Variants in HHAT observed in about 807,000 individuals in gnomAD.
HHAT encodes the protein protein-cysteine N-palmitoyltransferase HHAT.
Under a neutral mutation model 70.8 loss-of-function variants are expected in HHAT, and 47 were observed. The observed-to-expected ratio is 0.66, with a 90% CI of 0.53 to 0.85. The LOEUF is 0.85. HHAT is among the 40% of genes least tolerant of loss of function. The pLI, the probability that HHAT is intolerant of heterozygous loss-of-function variation, is 0.00. For synonymous variants in HHAT, 228 were observed against 247.6 expected, an observed-to-expected ratio of 0.92 and a Z score of 0.74; for missense variants, 609 against 604.8, an observed-to-expected ratio of 1.01 and a Z score of -0.07.
At chr1:210,359,595 C>A (rs528500398) in intron 2 of HHAT, among the ~76,000 whole-genome samples, 24 of 152,136 alleles carry the variant, frequency 1.6e-4, no homozygotes, top group African/African-American at 5.8e-4. Context: ...ACCAATCAGC[C>A]CTGGCCCTCT....
chr1:210,637,891 A>G (rs1051160625), intron 11 of HHAT, among the ~76,000 whole-genome samples: 3 of 151,520 alleles, frequency 2.0e-5, no homozygotes, highest in African/African-American at 7.3e-5. Flanking sequence ...AAAGGACCTG[A>G]ATAGATATGT....
At chr1:210,625,987 A>G (rs569136029) in intron 11 of HHAT, among the ~76,000 whole-genome samples, 3 of 152,358 alleles carry the variant, frequency 2.0e-5, no homozygotes, top group African/African-American at 7.2e-5. Context: ...TCTATGGCAC[A>G]GCAGGAGAGG....
chr1:210,661,619 C>T (rs1345991062), intron 11 of HHAT, among the ~76,000 whole-genome samples: 1 of 152,210 alleles, frequency 6.6e-6, no homozygotes, highest in African/African-American at 2.4e-5. Context: ...TATTGCGGAA[C>T]TATTCACAAT....
chr1:210,525,012 A>G (rs1323596126), intron 9 of HHAT, among the ~76,000 whole-genome samples: 1 of 152,060 alleles, frequency 6.6e-6, no homozygotes, highest in Non-Finnish European at 1.5e-5. Flanking sequence ...GGTCAGGGCT[A>G]GGAAATGTAC....
chr1:210,544,522 G>A (rs928239835), intron 9 of HHAT, among the ~76,000 whole-genome samples: 4 of 151,910 alleles, frequency 2.6e-5, no homozygotes, highest in Admixed American at 6.5e-5. Context: ...ACAGGCATGC[G>A]CCACCATGCC....
At chr1:210,475,462 T>C in intron 8 of HHAT, among the ~76,000 whole-genome samples, 1 of 152,148 alleles carries the variant, frequency 6.6e-6, no homozygotes, top group Non-Finnish European at 1.5e-5. Flanking sequence ...TTTATCAGAG[T>C]CCTAACCAGG....
chr1:210,400,394 A>G, intron 4 of HHAT, 74 bp from the exon 5 acceptor site: 1 of 1,331,480 alleles, frequency 7.5e-7, no homozygotes. Flanking sequence ...CACTTCCATG[A>G]GCTCACTTCT....
At chr1:210,598,359 T>C (rs2148814842) in intron 10 of HHAT, among the ~76,000 whole-genome samples, 1 of 152,162 alleles carries the variant, frequency 6.6e-6, no homozygotes, top group African/African-American at 2.4e-5. Context: ...AGGTCACGTG[T>C]CCCCAAAATC....
At chr1:210,569,267 G>A (rs1451152578) in intron 9 of HHAT, among the ~76,000 whole-genome samples, 3 of 150,672 alleles carry the variant, frequency 2.0e-5, no homozygotes, top group East Asian at 1.9e-4. Flanking sequence ...CCAGCGACTC[G>A]GGAGGCTGAG....
intron 1 of HHAT, among the ~76,000 whole-genome samples, chr1:210,344,137 A>G (rs2086288794): frequency 6.6e-6 from 1 of 152,054 alleles, no homozygotes; most frequent in South Asian, 2.1e-4. Flanking sequence ...AGTGGAGACT[A>G]TTTGGTTCAA....
chr1:210,386,259 G>C (rs12737782), intron 3 of HHAT, among the ~76,000 whole-genome samples: 1 of 32,932 alleles, frequency 3.0e-5, no homozygotes, highest in Non-Finnish European at 5.4e-5. Context: ...TTTTTTTTGA[G>C]ACAGAGTCTC....
chr1:210,509,393 AGGAAGTT>A (rs1414540868), intron 8 of HHAT, among the ~76,000 whole-genome samples: 1 of 152,194 alleles, frequency 6.6e-6, no homozygotes, highest in African/African-American at 2.4e-5. Context: ...AACAAAACTC[AGGAAGTT>A]AAGGTTGGTG....
chr1:210,387,364 T>A (rs1003353011), intron 3 of HHAT, 104 bp from the exon 4 acceptor site: 6 of 892,892 alleles, frequency 6.7e-6, no homozygotes, highest in Non-Finnish European at 1.1e-5. Context: ...TTTTACAGAG[T>A]TTGGACTCAC....
At chr1:210,583,155 A>G (rs1221506389) in intron 9 of HHAT, among the ~76,000 whole-genome samples, 1 of 152,168 alleles carries the variant, frequency 6.6e-6, no homozygotes, top group Non-Finnish European at 1.5e-5. Context: ...CACCTGGTGC[A>G]TGGGCACTCA....
At chr1:210,599,608 C>G (rs4495704) in intron 10 of HHAT, among the ~76,000 whole-genome samples, 12,460 of 152,228 alleles carry the variant, frequency 0.082, 667 homozygotes, top group Middle Eastern at 0.15. Context: ...CATTCTACCT[C>G]CTAAGTAGAT....
At chr1:210,617,068 A>C (rs1225924293) in intron 10 of HHAT, among the ~76,000 whole-genome samples, 1 of 152,242 alleles carries the variant, frequency 6.6e-6, no homozygotes, top group Non-Finnish European at 1.5e-5. Context: ...AGAAGATGGA[A>C]ATATAGAACC....
At chr1:210,579,588 G>A (rs1658727609) in intron 9 of HHAT, among the ~76,000 whole-genome samples, 1 of 152,130 alleles carries the variant, frequency 6.6e-6, no homozygotes, top group Non-Finnish European at 1.5e-5. Context: ...CTCAAAGAAG[G>A]TTTTAGTGCT....
chr1:210,362,956 AC>A (rs1157615564), intron 3 of HHAT, 37 bp downstream of exon 3: 3 of 1,458,288 alleles, frequency 2.1e-6, no homozygotes, highest in Middle Eastern at 1.7e-4. Context: ...CAGTTTTCAA[AC>A]CTGATTTCAA....
chr1:210,353,139 C>G (rs925680868), intron 2 of HHAT, among the ~76,000 whole-genome samples: 1 of 151,894 alleles, frequency 6.6e-6, no homozygotes, highest in African/African-American at 2.4e-5. Context: ...TTTTACCATG[C>G]TAGTCAAGCT....
Sources: allele counts gnomAD v4.1 joint callset (sites outside exome capture counted in the v4.1 genomes callset), GRCh38; gene constraint gnomAD v4.1.1; transcripts MANE v1.5; gene names NCBI Gene and HGNC (gene_info 2026-07-23, HGNC 2026-07-21).